The following SH3RF1 variants were observed in gnomAD, a reference collection of about 807,000 sequenced individuals.
The protein encoded by SH3RF1 is E3 ubiquitin-protein ligase SH3RF1.
In SH3RF1, 32 loss-of-function variants were observed where a neutral mutation model predicts 74.0. The ratio of observed to expected loss-of-function variants is 0.43; its 90% CI spans 0.33 to 0.58. The LOEUF is 0.58. SH3RF1 is among the 20% of genes least tolerant of loss of function. SH3RF1 has a pLI of 0.05. For synonymous variants in SH3RF1, 396 were observed against 439.6 expected (o/e 0.90, Z 1.24); for missense variants, 954 against 1,130.9 (o/e 0.84, Z 2.24).
At chr4:169,191,735 C>T (rs1054125347) in intron 2 of SH3RF1, among the ~76,000 whole-genome samples, 11 of 151,864 alleles carry the variant, frequency 7.2e-5, no homozygotes, top group African/African-American at 2.4e-4. Context: ...CAGAAATAAA[C>T]CCAAATCCTT....
chr4:169,162,575 A>G (rs955950865), intron 2 of SH3RF1, among the ~76,000 whole-genome samples: 3 of 152,172 alleles, frequency 2.0e-5, no homozygotes, highest in African/African-American at 7.2e-5. Context: ...CAAATTCACT[A>G]CATAAAATTT....
intron 2 of SH3RF1, among the ~76,000 whole-genome samples, chr4:169,260,402 G>A (rs1228126686): frequency 6.6e-6 from 1 of 152,170 alleles, no homozygotes; most frequent in Non-Finnish European, 1.5e-5. Context: ...TTAGCCACTT[G>A]GAAAGAACAG....
chr4:169,137,790 T>A (rs1200219405), intron 4 of SH3RF1, among the ~76,000 whole-genome samples: 2 of 152,232 alleles, frequency 1.3e-5, no homozygotes, highest in Non-Finnish European at 2.9e-5. Context: ...CACAAAGCCA[T>A]GTTAACTGGA....
At chr4:169,166,954 G>C in intron 2 of SH3RF1, 1 of 237,186 alleles carries the variant, frequency 4.2e-6, no homozygotes, top group South Asian at 6.0e-5. Flanking sequence ...TCAAGAAGGT[G>C]ATATCTTCGA....
At chr4:169,268,634 T>G (rs923245756) in intron 2 of SH3RF1, among the ~76,000 whole-genome samples, 186 bp downstream of exon 2, 2 of 152,210 alleles carry the variant, frequency 1.3e-5, no homozygotes, top group East Asian at 1.9e-4. Context: ...ACAATAAAAT[T>G]TATTATTTAT....
At chr4:169,130,500 T>C (rs1422853072) in intron 5 of SH3RF1, among the ~76,000 whole-genome samples, 8 of 152,216 alleles carry the variant, frequency 5.3e-5, no homozygotes, top group African/African-American at 9.6e-5. Flanking sequence ...GGTGCTCAAC[T>C]AGCCTCCTAA....
At chr4:169,209,993 G>A (rs919444936) in intron 2 of SH3RF1, among the ~76,000 whole-genome samples, 8 of 151,924 alleles carry the variant, frequency 5.3e-5, no homozygotes, top group Admixed American at 2.0e-4. Flanking sequence ...GATGGGGTTC[G>A]CCATGTTGCC....
At chr4:169,232,415 T>C (rs1246150123) in intron 2 of SH3RF1, among the ~76,000 whole-genome samples, 2 of 152,230 alleles carry the variant, frequency 1.3e-5, no homozygotes, top group African/African-American at 4.8e-5. Flanking sequence ...GTGACAACTG[T>C]TATTCATTTG....
intron 4 of SH3RF1, among the ~76,000 whole-genome samples, chr4:169,145,607 T>C (rs1235838420): frequency 6.8e-6 from 1 of 147,654 alleles, no homozygotes; most frequent in Non-Finnish European, 1.5e-5. Flanking sequence ...GGTCATATTA[T>C]ATATATTATA....
intron 1 of SH3RF1, chr4:169,270,003 G>A (rs1731420435): frequency 6.6e-6 from 1 of 152,206 alleles, no homozygotes; most frequent in Admixed American, 6.5e-5. Flanking sequence ...CAGAAAAGCT[G>A]GCAAAATTAT....
At chr4:169,162,890 C>T (rs1484526148) in intron 2 of SH3RF1, among the ~76,000 whole-genome samples, 1 of 152,104 alleles carries the variant, frequency 6.6e-6, no homozygotes, top group Non-Finnish European at 1.5e-5. Context: ...CCTCAGCACA[C>T]ACTCTGTGCT....
Position 169,155,558 on chromosome 4 carries a change from C to T in SH3RF1, c.687G>A (p.Val229=), listed in dbSNP as rs1398770458. The T allele has an allele frequency of 6.2e-7, 1 of 1,613,308 alleles. No homozygotes were observed. The highest frequency in any genetic ancestry group is 1.1e-5 in the South Asian group (1 of 91,066). The part of the protein sequence containing the change: ...LPFAKDDVLT[V]IRRVDENWAE... Reference sequence around the variant, plus strand: ...CCCAGTTTTCATCCACTCTTCGGATCACAGTCAGAACATCATCCTGAAGAA... The same window carrying T: ...CCCAGTTTTCATCCACTCTTCGGATTACAGTCAGAACATCATCCTGAAGAA... The change falls in exon 4 of 12, where the codon GTG becomes GTA. Residue 229 remains valine (V), a synonymous_variant. Transcript: ENST00000284637.
rs571209812 is a variant in SH3RF1 at position 169,206,164 on chromosome 4, GAGA to G, written c.394-49488_394-49486del. ...ATCTCTTGCATATCACAACTCTCAA[GAGA>G]ACATTAGGAAAATATGATAAAACCT... On this transcript the variant is annotated intron_variant, in intron 2 of 11. Coordinates refer to ENST00000284637, the MANE Select transcript of SH3RF1 (RefSeq NM_020870.4). Among the ~76,000 whole-genome samples the G allele has an allele frequency of 7.0e-4, 107 of 152,322 alleles. 1 individual carries two copies. In the South Asian group the frequency reaches 0.016, roughly 23 times the overall value.
intron 2 of SH3RF1, among the ~76,000 whole-genome samples, chr4:169,174,722 T>A (rs1440208488): frequency 6.6e-6 from 1 of 152,160 alleles, no homozygotes; most frequent in Non-Finnish European, 1.5e-5. Context: ...GGGAGTCATT[T>A]TTTCTTCTTC....
At chr4:169,235,778 G>A (rs1431028788) in intron 2 of SH3RF1, among the ~76,000 whole-genome samples, 3 of 151,392 alleles carry the variant, frequency 2.0e-5, no homozygotes, top group East Asian at 1.9e-4. Flanking sequence ...TGCAACCTCC[G>A]CCTCCCCAGT....
At chr4:169,214,545 G>A (rs1209468038) in intron 2 of SH3RF1, among the ~76,000 whole-genome samples, 2 of 152,062 alleles carry the variant, frequency 1.3e-5, no homozygotes, top group African/African-American at 2.4e-5. Flanking sequence ...TGACAATATT[G>A]AGCCTTCCTA....
intron 2 of SH3RF1, among the ~76,000 whole-genome samples, chr4:169,213,021 G>C (rs1263680220): frequency 6.6e-6 from 1 of 152,162 alleles, no homozygotes; most frequent in Non-Finnish European, 1.5e-5. Context: ...TTTTTGTAAA[G>C]ACATAAGTTT....
At chr4:169,181,671 C>T (rs1734514241) in intron 2 of SH3RF1, among the ~76,000 whole-genome samples, 1 of 152,200 alleles carries the variant, frequency 6.6e-6, no homozygotes, top group Non-Finnish European at 1.5e-5. Context: ...CCTCCCAACA[C>T]TCCTTCATCT....
At chr4:169,218,188 T>C (rs1730496109) in intron 2 of SH3RF1, among the ~76,000 whole-genome samples, 1 of 145,260 alleles carries the variant, frequency 6.9e-6, no homozygotes, top group Non-Finnish European at 1.5e-5. Flanking sequence ...ATATGTGTAA[T>C]ATATGTAAAT....
Sources: gnomAD v4.1 joint callset for allele counts (sites outside exome capture counted in the v4.1 genomes callset) on GRCh38, gnomAD v4.1.1 for gene constraint, MANE v1.5 for transcripts, NCBI Gene and HGNC (gene_info 2026-07-23, HGNC 2026-07-21) for gene names.